The following SYNPR variants were observed in gnomAD, a reference collection of about 807,000 sequenced individuals.
SYNPR encodes synaptoporin.
SYNPR carries 23 observed loss-of-function variants against 32.9 expected under a neutral mutation model. The ratio of observed to expected loss-of-function variants is 0.70; its 90% CI spans 0.50 to 0.99. The LOEUF is 0.99. Among genes scored for constraint, SYNPR ranks in the 50% least tolerant of loss-of-function variants. SYNPR has a pLI of 0.00. For missense variants in SYNPR, 318 were observed against 349.3 expected (o/e 0.91, Z 0.71); for synonymous variants, 146 against 135.9 (o/e 1.07, Z -0.52).
intron 2 of SYNPR, among the ~76,000 whole-genome samples, chr3:63,384,466 AGT>A (rs1171627915): frequency 1.3e-5 from 2 of 150,802 alleles, no homozygotes; most frequent in Non-Finnish European, 2.9e-5. Context: ...CTTTGACTAC[AGT>A]GTGTAATTTT....
intron 3 of SYNPR, among the ~76,000 whole-genome samples, chr3:63,537,288 C>G (rs1242734442): frequency 6.6e-6 from 1 of 152,124 alleles, no homozygotes; most frequent in African/African-American, 2.4e-5. Context: ...CTTCTACCTA[C>G]TTTCCCATCT....
At chr3:63,283,091 T>C (rs1250644962) in intron 2 of SYNPR, among the ~76,000 whole-genome samples, 1 of 152,204 alleles carries the variant, frequency 6.6e-6, no homozygotes, top group Non-Finnish European at 1.5e-5. Context: ...CAGGAAGAGT[T>C]GTGGGCCTAT....
intron 2 of SYNPR, among the ~76,000 whole-genome samples, chr3:63,458,926 C>G (rs1203732933): frequency 6.6e-6 from 1 of 152,000 alleles, no homozygotes; most frequent in Non-Finnish European, 1.5e-5. Context: ...ATGTTACACT[C>G]TCCTCTCCCC....
intron 2 of SYNPR, among the ~76,000 whole-genome samples, chr3:63,459,575 A>G (rs1700544237): frequency 6.6e-6 from 1 of 152,180 alleles, no homozygotes. Context: ...TAGATTATCC[A>G]GGACTCACTG....
intron 2 of SYNPR, among the ~76,000 whole-genome samples, chr3:63,470,828 CAAAG>C (rs1348865113): frequency 6.6e-6 from 1 of 152,112 alleles, no homozygotes; most frequent in Admixed American, 6.5e-5. Flanking sequence ...CTGTAAGAAT[CAAAG>C]AAATGACCCA....
intron 3 of SYNPR, among the ~76,000 whole-genome samples, chr3:63,544,063 C>A (rs961010992): frequency 6.6e-6 from 1 of 151,942 alleles, no homozygotes; most frequent in South Asian, 2.1e-4. Context: ...AAGAGGAAAC[C>A]GTTGGAGAAG....
At chr3:63,256,287 AC>A (rs1351825971) in intron 2 of SYNPR, among the ~76,000 whole-genome samples, 7 of 152,080 alleles carry the variant, frequency 4.6e-5, no homozygotes, top group Non-Finnish European at 7.4e-5. Context: ...TGTGTCCATG[AC>A]CCCCGAGTAG....
At chr3:63,401,638 G>T (rs2005116) in intron 2 of SYNPR, among the ~76,000 whole-genome samples, 65,889 of 151,888 alleles carry the variant, frequency 0.43, 14,628 homozygotes, top group Middle Eastern at 0.55. Flanking sequence ...GCCCAGAGCA[G>T]AAAATGAACT....
chr3:63,446,790 T>C (rs1360992972), intron 2 of SYNPR, among the ~76,000 whole-genome samples: 1 of 151,998 alleles, frequency 6.6e-6, no homozygotes, highest in East Asian at 1.9e-4. Context: ...CCACCACAAA[T>C]TGGAAGAACT....
At chr3:63,502,702 C>A (rs950049444) in intron 3 of SYNPR, among the ~76,000 whole-genome samples, 1 of 152,046 alleles carries the variant, frequency 6.6e-6, no homozygotes, top group African/African-American at 2.4e-5. Context: ...TTTAAGTTTT[C>A]TCCATGTCTT....
intron 4 of SYNPR, among the ~76,000 whole-genome samples, chr3:63,564,960 G>A (rs1244105014): frequency 6.6e-6 from 1 of 152,172 alleles, no homozygotes; most frequent in Non-Finnish European, 1.5e-5. Context: ...TGGGCTGGTG[G>A]AAAATGTCTG....
intron 1 of SYNPR, among the ~76,000 whole-genome samples, chr3:63,241,306 C>T (rs926764020): frequency 1.3e-5 from 2 of 152,114 alleles, no homozygotes; most frequent in Non-Finnish European, 1.5e-5. Flanking sequence ...ATTATTGGCT[C>T]TTTACCCAAC....
intron 1 of SYNPR, among the ~76,000 whole-genome samples, chr3:63,247,868 G>C (rs1319798615): frequency 6.6e-6 from 1 of 152,132 alleles, no homozygotes; most frequent in Non-Finnish European, 1.5e-5. Context: ...AGTCCATCTA[G>C]GGCCATTTCC....
chr3:63,351,442 C>A (rs1343475966), intron 2 of SYNPR: 1 of 152,130 alleles, frequency 6.6e-6, no homozygotes, highest in Non-Finnish European at 1.5e-5. Flanking sequence ...TTCCAAGAAG[C>A]AAAGATTCTT....
intron 2 of SYNPR, among the ~76,000 whole-genome samples, chr3:63,315,813 T>A (rs183819294): frequency 3.3e-5 from 5 of 152,230 alleles, no homozygotes; most frequent in Admixed American, 3.3e-4. Flanking sequence ...CCTTGTCTTA[T>A]TCCAGTTCTC....
chr3:63,612,835 G>C (rs1258293556), intron 5 of SYNPR, among the ~76,000 whole-genome samples: 1 of 151,928 alleles, frequency 6.6e-6, no homozygotes, highest in African/African-American at 2.4e-5. Flanking sequence ...TCCCTGGACA[G>C]AGCCATGACT....
At chr3:63,314,723 G>A (rs770410686) in intron 2 of SYNPR, among the ~76,000 whole-genome samples, 1 of 151,948 alleles carries the variant, frequency 6.6e-6, no homozygotes, top group Non-Finnish European at 1.5e-5. Flanking sequence ...AAGCTCTTTA[G>A]TTTAATTAGG....
At chr3:63,456,728 T>G (rs1287881553) in intron 2 of SYNPR, among the ~76,000 whole-genome samples, 1 of 152,140 alleles carries the variant, frequency 6.6e-6, no homozygotes, top group Non-Finnish European at 1.5e-5. Context: ...GGAGCAGATC[T>G]GATTCATGAT....
chr3:63,344,550 A>ATTTTT lies in SYNPR; in HGVS notation c.84+65825_84+65829dup, dbSNP rs10627844. ...AGAAACAGGTGCATATTCAAAAAAGATTTTTTTTTTTTTTTTTTTTTACAG... is the reference window on the plus strand; with the variant it reads ...AGAAACAGGTGCATATTCAAAAAAGATTTTTTTTTTTTTTTTTTTTTTTTTTACAG... On this transcript the variant is annotated intron_variant, in intron 2 of 5. Coordinates refer to ENST00000478300, the MANE Select transcript of SYNPR (RefSeq NM_001130003.2). Among the ~76,000 whole-genome samples the ATTTTT allele has an allele frequency of 7.0e-4, 91 of 130,522 alleles. 1 individual carries two copies. Among genetic ancestry groups the ATTTTT allele is most frequent in the South Asian group, 2.0e-3 (8 of 4,016 alleles). The allele number at this position is 130,522 out of a possible 152,430, so 85.6% of individuals were successfully genotyped here. A position where few individuals can be genotyped will look rare whatever the true frequency, so the allele number is the denominator to read the frequency against.
Sources: gnomAD v4.1 joint callset for allele counts (sites outside exome capture counted in the v4.1 genomes callset) on GRCh38, gnomAD v4.1.1 for gene constraint, MANE v1.5 for transcripts, NCBI Gene and HGNC (gene_info 2026-07-23, HGNC 2026-07-21) for gene names.